The following CCDC178 variants were observed in gnomAD, a reference collection of about 807,000 sequenced individuals.
CCDC178 encodes the protein coiled-coil domain-containing protein 178.
Under a neutral mutation model 117.4 loss-of-function variants are expected in CCDC178, and 126 were observed. The ratio of observed to expected loss-of-function variants is 1.07; its 90% CI spans 0.93 to 1.24. The LOEUF is 1.24. CCDC178 is among the 50% of genes most tolerant of loss of function. CCDC178 has a pLI of 0.00. For synonymous variants in CCDC178, 283 were observed against 313.4 expected, an observed-to-expected ratio of 0.90 and a Z score of 1.02; for missense variants, 1,030 against 986.9, an observed-to-expected ratio of 1.04 and a Z score of -0.59.
At chr18:33,433,265 T>C (rs2064245441) in intron 2 of CCDC178, among the ~76,000 whole-genome samples, 1 of 152,164 alleles carries the variant, frequency 6.6e-6, no homozygotes, top group Non-Finnish European at 1.5e-5. Flanking sequence ...TTTTTATTCA[T>C]CCAGATTCCC....
intron 20 of CCDC178, among the ~76,000 whole-genome samples, chr18:33,181,652 G>A (rs565620996): frequency 6.6e-6 from 1 of 151,880 alleles, no homozygotes; most frequent in East Asian, 1.9e-4. Context: ...ATGTTTCTGA[G>A]AATCAGTGGT....
At chr18:32,985,788 A>C (rs1013345458) in intron 21 of CCDC178, among the ~76,000 whole-genome samples, 1 of 152,060 alleles carries the variant, frequency 6.6e-6, no homozygotes, top group Admixed American at 6.6e-5. Context: ...CTGGAAATTT[A>C]TTATGGTAGC....
chr18:32,977,240 C>T (rs2055046993), intron 21 of CCDC178, among the ~76,000 whole-genome samples: 1 of 152,088 alleles, frequency 6.6e-6, no homozygotes, highest in African/African-American at 2.4e-5. Flanking sequence ...AAGTTATTAA[C>T]CATGATGCCA....
chr18:33,349,054 G>A (rs2062935419), intron 7 of CCDC178, 79 bp from the exon 8 acceptor site: 1 of 807,322 alleles, frequency 1.2e-6, no homozygotes, highest in Non-Finnish European at 2.0e-6. Flanking sequence ...CTCTTCTATT[G>A]AATTTTAAAT....
chr18:32,976,345 T>A (rs1012565071), intron 21 of CCDC178, among the ~76,000 whole-genome samples: 1 of 152,130 alleles, frequency 6.6e-6, no homozygotes, highest in South Asian at 2.1e-4. Flanking sequence ...CACAACTACA[T>A]AAAGAGTCAT....
chr18:33,403,617 C>G (rs896537929), intron 3 of CCDC178, among the ~76,000 whole-genome samples: 4 of 152,258 alleles, frequency 2.6e-5, no homozygotes, highest in African/African-American at 9.6e-5. Context: ...CATTCGGTTT[C>G]TCTTAAAAGA....
At position 33,361,289 on chromosome 18, in the gene CCDC178, A is replaced by C. The variant is rs558223685; in HGVS notation, c.349-4943T>G. The stretch of plus-strand genomic sequence containing the variant: ...ATGCAGGGAAAACTAAATTTCTATC[A>C]CCAACAGAATGAAATTGGCTCTTAT... On this transcript the variant is annotated intron_variant, in intron 6 of 22. Coordinates refer to ENST00000383096, the MANE Select transcript of CCDC178 (RefSeq NM_001105528.4). Among the ~76,000 whole-genome samples the C allele has an allele frequency of 1.1e-4, 17 of 151,864 alleles. No individual in the cohort carries two copies. In the East Asian group the frequency reaches 3.3e-3, roughly 29 times the overall value.
At chr18:33,013,075 AT>A (rs908686301) in intron 21 of CCDC178, among the ~76,000 whole-genome samples, 10 of 152,124 alleles carry the variant, frequency 6.6e-5, no homozygotes, top group Non-Finnish European at 1.5e-4. Flanking sequence ...TCAATAACAC[AT>A]TTTTCCTTTT....
chr18:33,245,189 T>A, intron 15 of CCDC178, 56 bp downstream of exon 15: 1 of 1,381,206 alleles, frequency 7.2e-7, no homozygotes, highest in African/African-American at 1.5e-5. Flanking sequence ...TCGATACAAT[T>A]CAGGTAAATT....
chr18:32,956,666 C>T (rs1185818192), intron 22 of CCDC178: 1 of 152,130 alleles, frequency 6.6e-6, no homozygotes, highest in Non-Finnish European at 1.5e-5. Flanking sequence ...AAAATAAGCA[C>T]AAATTGAAAA....
intron 21 of CCDC178, among the ~76,000 whole-genome samples, chr18:33,030,065 A>G (rs2056305907): frequency 6.6e-6 from 1 of 152,024 alleles, no homozygotes; most frequent in African/African-American, 2.4e-5. Context: ...TTGCAAGTAG[A>G]GCACTGAAAT....
intron 21 of CCDC178, among the ~76,000 whole-genome samples, chr18:33,051,910 T>C (rs1198244869): frequency 6.6e-6 from 1 of 152,228 alleles, no homozygotes; most frequent in Non-Finnish European, 1.5e-5. Context: ...TTTGGTTGTT[T>C]TCCTTATAAT....
chr18:33,187,193 G>A (rs2058806621), intron 20 of CCDC178, among the ~76,000 whole-genome samples: 1 of 151,818 alleles, frequency 6.6e-6, no homozygotes, highest in Admixed American at 6.6e-5. Flanking sequence ...AGAACAGCAT[G>A]GGGGAAACCA....
chr18:33,240,345 A>G (rs572174588), intron 15 of CCDC178, among the ~76,000 whole-genome samples: 1 of 151,952 alleles, frequency 6.6e-6, no homozygotes, highest in Non-Finnish European at 1.5e-5. Flanking sequence ...AAACAAACCC[A>G]AAGTTAGAAG....
intron 5 of CCDC178, among the ~76,000 whole-genome samples, chr18:33,376,073 C>A (rs549400913): frequency 6.6e-6 from 1 of 152,308 alleles, no homozygotes; most frequent in South Asian, 2.1e-4. Context: ...GGTTTTTATA[C>A]GTTGGCATAC....
At chr18:33,080,512 A>G (rs2057280530) in intron 21 of CCDC178, among the ~76,000 whole-genome samples, 1 of 152,122 alleles carries the variant, frequency 6.6e-6, no homozygotes, top group Non-Finnish European at 1.5e-5. Flanking sequence ...CCTACAAGCA[A>G]TGTGGGGCTG....
chr18:33,339,555 G>A (rs2062786860), intron 9 of CCDC178, among the ~76,000 whole-genome samples: 1 of 151,538 alleles, frequency 6.6e-6, no homozygotes, highest in African/African-American at 2.4e-5. Flanking sequence ...GAAAATGGAA[G>A]AGAGACCTTG....
intron 20 of CCDC178, among the ~76,000 whole-genome samples, chr18:33,133,031 C>T (rs746299314): frequency 1.3e-5 from 2 of 151,630 alleles, no homozygotes; most frequent in Non-Finnish European, 3.0e-5. Context: ...TTAAAGAAAC[C>T]TAGTCTCTAT....
Position 33,245,369 on chromosome 18 carries a change from T to C in CCDC178, c.1469A>G (p.Lys490Arg). ...GATGTTCTTGAGATGTTTATCATTC[T>C]TTAACTTCATTATTGTCAAATATTT... Reference protein sequence around the residue: ...EIKYLTIMKLKNDKHLKNIYK... With the variant: ...EIKYLTIMKLRNDKHLKNIYK... Residue 490 changes from lysine (K) to arginine (R), a missense_variant, in exon 15 of 23, where the codon AAG (lysine) becomes AGG (arginine). Physicochemically the swap from Lys to Arg is conservative, Grantham distance 26. Coordinates refer to ENST00000383096, the MANE Select transcript of CCDC178 (RefSeq NM_001105528.4). 1 of 1,601,070 alleles carries C rather than the reference T, an allele frequency of 6.2e-7. No homozygotes were observed. The highest frequency in any genetic ancestry group is 8.5e-7 in the Non-Finnish European group (1 of 1,174,784).
Sources: gnomAD v4.1 joint callset for allele counts (sites outside exome capture counted in the v4.1 genomes callset) on GRCh38, gnomAD v4.1.1 for gene constraint, MANE v1.5 for transcripts, NCBI Gene and HGNC (gene_info 2026-07-23, HGNC 2026-07-21) for gene names.